Variants in USH2A observed in about 807,000 individuals in gnomAD.
USH2A encodes usherin.
USH2A carries 443 observed loss-of-function variants against 538.9 expected under a neutral mutation model. The observed-to-expected ratio is 0.82, with a 90% CI of 0.76 to 0.89. The LOEUF is 0.89. Among genes scored for constraint, USH2A ranks in the 40% least tolerant of loss-of-function variants. The pLI is 0.00. For synonymous variants in USH2A, 2,413 were observed against 2,273.5 expected (o/e 1.06, Z -1.75); for missense variants, 6,633 against 6,324.8 (o/e 1.05, Z -1.65).
chr1:215,680,165 G>C lies in USH2A; in HGVS notation c.12278C>G (p.Thr4093Ser), dbSNP rs758557130. 6.2e-7 allele frequency: 1 copy of C among 1,613,964 alleles called. No homozygotes were observed. The highest frequency in any genetic ancestry group is 8.5e-7 in the Non-Finnish European group (1 of 1,179,948). Residue 4093 changes from threonine (T) to serine (S), a missense_variant, in exon 62 of 72, where the codon ACC becomes AGC. Thr to Ser is a moderately conservative substitution (Grantham distance 58, BLOSUM62 1). Coordinates refer to ENST00000307340, the MANE Select transcript of USH2A (RefSeq NM_206933.4). ...LLLQWSEPMRTNGVIKTYNIF... is the reference protein window; with the variant it reads ...LLLQWSEPMRSNGVIKTYNIF... ...AGACATTACCTTAATCACACCATTG[G>C]TTCTCATAGGTTCTGACCACTGTAG...
At chr1:216,042,017 G>A (rs951325968) in intron 32 of USH2A, among the ~76,000 whole-genome samples, 1 of 151,906 alleles carries the variant, frequency 6.6e-6, no homozygotes, top group African/African-American at 2.4e-5. Context: ...GAATATCTAT[G>A]TCAAGATATT....
chr1:216,038,806 C>T (rs748930275), intron 32 of USH2A, among the ~76,000 whole-genome samples: 3 of 151,982 alleles, frequency 2.0e-5, no homozygotes, highest in Non-Finnish European at 4.4e-5. Flanking sequence ...TAACAGGACA[C>T]CTCTATTTGT....
chr1:216,222,371 GC>G (rs773110961), intron 14 of USH2A, among the ~76,000 whole-genome samples: 3 of 152,180 alleles, frequency 2.0e-5, no homozygotes, highest in African/African-American at 4.8e-5. Flanking sequence ...TAAACATGTG[GC>G]TGACCCCCAG....
chr1:216,127,263 C>A (rs2033274144), intron 21 of USH2A, among the ~76,000 whole-genome samples: 1 of 152,122 alleles, frequency 6.6e-6, no homozygotes, highest in South Asian at 2.1e-4. Flanking sequence ...TTGACAATGG[C>A]CAAACTCTTT....
intron 21 of USH2A, among the ~76,000 whole-genome samples, chr1:216,127,489 C>T (rs1412946879): frequency 2.6e-5 from 4 of 152,178 alleles, no homozygotes; most frequent in African/African-American, 7.2e-5. Flanking sequence ...CCAGCTTTGG[C>T]AATGCTTTCT....
intron 50 of USH2A, among the ~76,000 whole-genome samples, chr1:215,798,424 G>A (rs1662203988): frequency 6.6e-6 from 1 of 152,012 alleles, no homozygotes; most frequent in African/African-American, 2.4e-5. Context: ...ATAATTGATA[G>A]TACCTATCAT....
chr1:216,199,345 T>C (rs906091861), intron 17 of USH2A, among the ~76,000 whole-genome samples: 6 of 152,218 alleles, frequency 3.9e-5, no homozygotes, highest in Admixed American at 2.0e-4. Flanking sequence ...TTTCAAATTA[T>C]AAACATCATT....
intron 58 of USH2A, among the ~76,000 whole-genome samples, chr1:215,747,870 TTTTG>T (rs1223840838): frequency 1.2e-4 from 17 of 139,402 alleles, no homozygotes; most frequent in East Asian, 8.4e-4. Context: ...TTTTGTTTTT[TTTTG>T]TTTGTTTGTT....
intron 61 of USH2A, among the ~76,000 whole-genome samples, chr1:215,698,011 T>G (rs924994533): frequency 6.6e-6 from 1 of 152,182 alleles, no homozygotes. Context: ...CAGTGTGTGA[T>G]GTTCCCCTCC....
rs189745634 is a variant in USH2A at position 215,623,037 on chromosome 1, C to T, written c.*2744G>A. The stretch of plus-strand genomic sequence containing the variant: ...TCCACTTGGACTATGTTTTATTTAC[C>T]GGTGTGTTCATGGATGCCAGCATGA... On this transcript the variant is annotated 3_prime_UTR_variant, in exon 72 of 72. Transcript: ENST00000307340. 3.9e-5 allele frequency: 6 copies of T among 151,992 alleles called. No homozygotes were observed. The highest frequency in any genetic ancestry group is 7.2e-5 in the African/African-American group (3 of 41,460). The allele number at this position is 151,992 out of a possible 1,614,324, so 9.4% of individuals were successfully genotyped here. A position where few individuals can be genotyped will look rare whatever the true frequency, so the allele number is the denominator to read the frequency against.
intron 13 of USH2A, among the ~76,000 whole-genome samples, chr1:216,245,754 T>A (rs968331423): frequency 1.3e-5 from 2 of 152,278 alleles, no homozygotes; most frequent in South Asian, 2.1e-4. Context: ...GGCCCAATTA[T>A]CCTAGGCTGG....
At chr1:216,296,972 T>G (rs766283036) in intron 9 of USH2A, among the ~76,000 whole-genome samples, 4 of 151,874 alleles carry the variant, frequency 2.6e-5, no homozygotes, top group Non-Finnish European at 5.9e-5. Context: ...TAACATCAAA[T>G]GCATACTCTC....
chr1:216,180,645 G>A (rs1053560722), intron 20 of USH2A, among the ~76,000 whole-genome samples: 4 of 152,032 alleles, frequency 2.6e-5, no homozygotes, highest in East Asian at 3.9e-4. Flanking sequence ...TTTTGCCTAT[G>A]AAGACTGTAT....
intron 21 of USH2A, among the ~76,000 whole-genome samples, chr1:216,130,071 A>G (rs955651774): frequency 2.0e-5 from 3 of 152,112 alleles, no homozygotes; most frequent in African/African-American, 7.2e-5. Flanking sequence ...AATAGGTTAA[A>G]GACTCAAATG....
intron 21 of USH2A, among the ~76,000 whole-genome samples, chr1:216,126,210 TTTG>T (rs2033250354): frequency 2.2e-5 from 3 of 137,966 alleles, no homozygotes; most frequent in Non-Finnish European, 3.2e-5. Flanking sequence ...CGTTGCTTTT[TTTG>T]TTGTTGTTGT....
intron 38 of USH2A, among the ~76,000 whole-genome samples, chr1:215,926,894 C>T (rs1436991815): frequency 6.6e-6 from 1 of 152,008 alleles, no homozygotes; most frequent in Non-Finnish European, 1.5e-5. Context: ...AGGCGTGAGC[C>T]ACCGCGCCCA....
chr1:216,267,209 A>G (rs77147896), intron 11 of USH2A, among the ~76,000 whole-genome samples: 1 of 152,098 alleles, frequency 6.6e-6, no homozygotes, highest in Non-Finnish European at 1.5e-5. Flanking sequence ...ATGAAAAGAG[A>G]GTGATCAACT....
At chr1:216,207,154 TGAAAC>T in intron 16 of USH2A, 114 bp downstream of exon 16, 1 of 1,249,458 alleles carries the variant, frequency 8.0e-7, no homozygotes, top group Non-Finnish European at 1.1e-6. Context: ...TATCTCTGTT[TGAAAC>T]ACTCTGTGCC....
At chr1:215,681,074 G>T (rs1658212051) in intron 61 of USH2A, among the ~76,000 whole-genome samples, 1 of 152,096 alleles carries the variant, frequency 6.6e-6, no homozygotes, top group Admixed American at 6.5e-5. Flanking sequence ...TAGGCTTGGA[G>T]AATTTGGTCT....
Sources: allele counts gnomAD v4.1 joint callset (sites outside exome capture counted in the v4.1 genomes callset), GRCh38; gene constraint gnomAD v4.1.1; transcripts MANE v1.5; gene names NCBI Gene and HGNC (gene_info 2026-07-23, HGNC 2026-07-21).